Variants in SLC61A1 observed in about 807,000 individuals in gnomAD.
SLC61A1 encodes the protein major facilitator superfamily domain containing 5.
At chr12:53,252,979 C>T in the SLC61A1 span, 1 of 1,614,234 alleles carries the variant, frequency 6.2e-7, no homozygotes, top group Non-Finnish European at 8.5e-7. Context: ...TCTATCAGGT[C>T]TACTTCCTGG....
chr12:53,251,963 A>G, the SLC61A1 span: 1 of 1,524,624 alleles, frequency 6.6e-7, no homozygotes, highest in Non-Finnish European at 8.8e-7. Context: ...AGGCCAGGCC[A>G]GGAGAAGCAA....
the SLC61A1 span, chr12:53,252,091 C>T: frequency 6.9e-7 from 1 of 1,458,160 alleles, no homozygotes; most frequent in Non-Finnish European, 9.0e-7. Context: ...GCCGCGCCCC[C>T]GTCACGTGAT....
chr12:53,254,281 C>T, the SLC61A1 span: 1 of 1,440,652 alleles, frequency 6.9e-7, no homozygotes, highest in East Asian at 2.3e-5. Context: ...TGTGACTGTC[C>T]TGTGGTTTCT....
At chr12:53,253,279 C>G in the SLC61A1 span, 2 of 1,614,250 alleles carry the variant, frequency 1.2e-6, no homozygotes, top group Non-Finnish European at 1.7e-6. Flanking sequence ...TCTCAGCCTT[C>G]GAGGCCTGGT....
At chr12:53,251,636 G>A in the SLC61A1 span, 5 of 1,288,332 alleles carry the variant, frequency 3.9e-6, no homozygotes, top group Non-Finnish European at 5.2e-6. Flanking sequence ...TAAGTGACAG[G>A]GGCAGGACTG....
At chr12:53,253,517 C>T in the SLC61A1 span, 35 of 1,614,136 alleles carry the variant, frequency 2.2e-5, no homozygotes, top group Middle Eastern at 3.3e-4. Context: ...GAACTATGAC[C>T]GGCAGCGTGC....
At chr12:53,253,646 A>G in the SLC61A1 span, 1 of 1,613,874 alleles carries the variant, frequency 6.2e-7, no homozygotes, top group Non-Finnish European at 8.5e-7. Context: ...CTTCCTCTGG[A>G]CACCTGTGCT....
chr12:53,253,780 G>C, the SLC61A1 span: 320 of 1,614,194 alleles, frequency 2.0e-4, 4 homozygotes, highest in Admixed American at 5.0e-3. Flanking sequence ...TGCACCTGCT[G>C]TCCCTTGCTG....
chr12:53,254,361 C>T, the SLC61A1 span: 2 of 703,406 alleles, frequency 2.8e-6, no homozygotes, highest in South Asian at 2.1e-5. Context: ...CCAAAAGTTC[C>T]CTCTGTGTTA....
At chr12:53,252,712 T>G in the SLC61A1 span, 2 of 1,332,302 alleles carry the variant, frequency 1.5e-6, no homozygotes, top group Non-Finnish European at 1.0e-6. Context: ...TCTTGGGGAG[T>G]GGAGTTGGCA....
At chr12:53,253,742 AC>A in the SLC61A1 span, 1 of 1,613,820 alleles carries the variant, frequency 6.2e-7, no homozygotes, top group Non-Finnish European at 8.5e-7. Flanking sequence ...CCGTATCGCC[AC>A]CTCCAAGAGG....
At chr12:53,252,026 C>G in the SLC61A1 span, 1 of 1,520,060 alleles carries the variant, frequency 6.6e-7, no homozygotes, top group Non-Finnish European at 8.8e-7. Flanking sequence ...GTCAGGAGTT[C>G]CGCGCCCGGG....
At chr12:53,252,054 GC>G in the SLC61A1 span, 2 of 1,468,418 alleles carry the variant, frequency 1.4e-6, no homozygotes, top group South Asian at 1.3e-5. Flanking sequence ...AGGAGGGCGG[GC>G]GGGCGGGGCG....
the SLC61A1 span, chr12:53,254,346 A>C: frequency 1.2e-6 from 1 of 848,662 alleles, no homozygotes; most frequent in Non-Finnish European, 1.8e-6. Context: ...ACTGGAAAGA[A>C]GGTGCCAAAA....
At chr12:53,252,396 C>T in the SLC61A1 span, 1 of 1,296,668 alleles carries the variant, frequency 7.7e-7, no homozygotes, top group Non-Finnish European at 9.8e-7. Context: ...CCTGAAGCAA[C>T]TCGAGAGGCC....
chr12:53,252,143 G>A, the SLC61A1 span: 37 of 1,438,686 alleles, frequency 2.6e-5, no homozygotes, highest in Non-Finnish European at 3.4e-5. Context: ...CCGGCTCCCG[G>A]AAGCAGGCTG....
the SLC61A1 span, chr12:53,253,372 T>C: frequency 2.5e-6 from 4 of 1,614,238 alleles, no homozygotes; most frequent in South Asian, 3.3e-5. Flanking sequence ...TCTGGAACCA[T>C]GTGCTGGCTG....
the SLC61A1 span, chr12:53,251,683 T>C: frequency 6.7e-7 from 1 of 1,489,564 alleles, no homozygotes; most frequent in Non-Finnish European, 8.9e-7. Flanking sequence ...CCAAGTTCTT[T>C]ACACCACACC....
At chr12:53,254,170 C>G in the SLC61A1 span, 650 of 1,613,944 alleles carry the variant, frequency 4.0e-4, 4 homozygotes, top group Middle Eastern at 3.3e-3. Context: ...CTGAGGAGCC[C>G]TATGCCCCTG....
Sources: gnomAD v4.1 joint callset for allele counts on GRCh38, gnomAD v4.1.1 for gene constraint, MANE v1.5 for transcripts, NCBI Gene and HGNC (gene_info 2026-07-23, HGNC 2026-07-21) for gene names.